The following IRAK1BP1 variants were observed in gnomAD, a reference collection of about 807,000 sequenced individuals.
The protein encoded by IRAK1BP1 is interleukin-1 receptor-associated kinase 1-binding protein 1.
IRAK1BP1 carries 24 observed loss-of-function variants against 28.0 expected under a neutral mutation model. The observed-to-expected ratio is 0.86, with a 90% CI of 0.62 to 1.20. IRAK1BP1 has a LOEUF of 1.20. Ranked by LOEUF, IRAK1BP1 falls within the 50% of genes most tolerant of loss-of-function variation. The probability of loss-of-function intolerance (pLI) is 0.00; values close to 1 mark genes in which losing one functional copy is unlikely to be tolerated. For synonymous variants in IRAK1BP1, 131 were observed against 116.3 expected (o/e 1.13, Z -0.81); for missense variants, 336 against 316.7 (o/e 1.06, Z -0.46).
the IRAK1BP1 span, among the ~76,000 whole-genome samples, chr6:78,973,377 G>C: frequency 1.3e-5 from 2 of 150,162 alleles, no homozygotes; most frequent in African/African-American, 4.9e-5. Flanking sequence ...CCTGAAGGAA[G>C]CGCTAAACAT....
intron 2 of IRAK1BP1, among the ~76,000 whole-genome samples, chr6:78,888,261 T>G (rs1446047960): frequency 6.6e-6 from 1 of 152,178 alleles, no homozygotes; most frequent in Non-Finnish European, 1.5e-5. Flanking sequence ...GAATTCTAGA[T>G]ATGGGCTATA....
intron 4 of IRAK1BP1, among the ~76,000 whole-genome samples, chr6:78,924,054 GA>G (rs1293972721): frequency 1.3e-5 from 2 of 152,082 alleles, no homozygotes; most frequent in African/African-American, 4.8e-5. Context: ...CAGAAGGCAA[GA>G]AATAACTAAG....
intron 1 of IRAK1BP1, among the ~76,000 whole-genome samples, chr6:78,870,432 C>T (rs1581985574): frequency 6.6e-6 from 1 of 152,168 alleles, no homozygotes; most frequent in Non-Finnish European, 1.5e-5. Flanking sequence ...GAGCCAAGAC[C>T]ATTTGTTCTT....
intron 2 of IRAK1BP1, among the ~76,000 whole-genome samples, chr6:78,890,756 A>G (rs1372074009): frequency 1.3e-5 from 2 of 152,214 alleles, no homozygotes; most frequent in South Asian, 2.1e-4. Flanking sequence ...AGAGAAAACA[A>G]TGTCTAATCT....
Position 78,898,076 on chromosome 6 carries a change from T to A in IRAK1BP1, c.525T>A (p.Cys175Ter). The stretch of plus-strand genomic sequence containing the variant: ...TTTAATTCCTAAGACGGCAAGCCTG[T>A]CTTGTTGCTGTTGAGAATGCGTGGC... ...GSVENLRRQA[C>*]LVAVENAWRK... Residue 175 changes from cysteine (C) to a stop codon, truncating the protein, a stop_gained, in exon 4 of 4, where the codon TGT (cysteine) becomes TGA (stop). Coordinates refer to ENST00000369940, the MANE Select transcript of IRAK1BP1 (RefSeq NM_001010844.4). LOFTEE classifies it high-confidence loss of function. The A allele has an allele frequency of 1.2e-6, 2 of 1,610,802 alleles. No homozygotes were observed. The highest frequency in any genetic ancestry group is 1.7e-6 in the Non-Finnish European group (2 of 1,178,334).
At chr6:78,966,667 G>A in the IRAK1BP1 span, among the ~76,000 whole-genome samples, 10 of 152,246 alleles carry the variant, frequency 6.6e-5, no homozygotes, top group South Asian at 1.5e-3. Context: ...AATTGCTGTC[G>A]TCGTATTACT....
chr6:78,938,323 G>T (rs1773347962), intron 4 of IRAK1BP1: 1 of 151,542 alleles, frequency 6.6e-6, no homozygotes, highest in Non-Finnish European at 1.5e-5. Flanking sequence ...AGGAAAGATG[G>T]TAAATACTCA....
chr6:78,967,796 T>C, the IRAK1BP1 span, among the ~76,000 whole-genome samples: 59 of 152,292 alleles, frequency 3.9e-4, no homozygotes, highest in African/African-American at 1.4e-3. Context: ...CTTTGATCTC[T>C]ATTATTTGTT....
chr6:78,936,435 CATT>C (rs1259091961), intron 4 of IRAK1BP1: 1 of 151,830 alleles, frequency 6.6e-6, no homozygotes, highest in African/African-American at 2.4e-5. Flanking sequence ...TATAGTCTAT[CATT>C]GTGACTAATC....
rs1328452076 is a variant in IRAK1BP1, at chr6:78,885,369, C to A, written c.316-9C>A. 18 of 1,536,232 alleles carry A rather than the reference C, an allele frequency of 1.2e-5. No homozygotes were observed. The highest frequency in any genetic ancestry group is 1.6e-5 in the Non-Finnish European group (18 of 1,119,362). On this transcript the variant is annotated splice_polypyrimidine_tract_variant and intron_variant, in intron 1 of 3. Coordinates refer to ENST00000369940, the MANE Select transcript of IRAK1BP1 (RefSeq NM_001010844.4). ...TAGTAATCATACTCTTGGACTTTTTCTGTTTCAGGCAGAAAATATAACTGT... is the reference window on the plus strand; with the variant it reads ...TAGTAATCATACTCTTGGACTTTTTATGTTTCAGGCAGAAAATATAACTGT...
chr6:78,916,238 G>C (rs1772556127), intron 4 of IRAK1BP1, among the ~76,000 whole-genome samples: 1 of 152,098 alleles, frequency 6.6e-6, no homozygotes, highest in South Asian at 2.1e-4. Context: ...TTTGGTTCTA[G>C]AAAGTCTTTA....
the IRAK1BP1 span, chr6:78,966,179 C>T: frequency 1.6e-6 from 1 of 627,648 alleles, no homozygotes; most frequent in Non-Finnish European, 2.9e-6. Context: ...AAAAGTGAAC[C>T]ACAAACTCCA....
intron 4 of IRAK1BP1, among the ~76,000 whole-genome samples, chr6:78,941,573 C>T (rs1192666971): frequency 6.6e-6 from 1 of 152,076 alleles, no homozygotes; most frequent in Non-Finnish European, 1.5e-5. Context: ...AAATAAGTGA[C>T]TTATCTAAGT....
intron 2 of IRAK1BP1, among the ~76,000 whole-genome samples, chr6:78,890,516 T>G (rs1448312359): frequency 6.6e-6 from 1 of 151,896 alleles, no homozygotes; most frequent in Non-Finnish European, 1.5e-5. Flanking sequence ...TGAATTTCCA[T>G]ATTCAGTGGA....
chr6:78,910,359 G>T (rs1480311231), intron 4 of IRAK1BP1, among the ~76,000 whole-genome samples: 1 of 152,194 alleles, frequency 6.6e-6, no homozygotes, highest in Non-Finnish European at 1.5e-5. Flanking sequence ...GTCCACCATA[G>T]TCCAGGATAT....
At chr6:78,912,219 T>C (rs1772446220) in intron 4 of IRAK1BP1, among the ~76,000 whole-genome samples, 1 of 152,130 alleles carries the variant, frequency 6.6e-6, no homozygotes, top group South Asian at 2.1e-4. Flanking sequence ...GATTCGTTTT[T>C]ACATCTGATC....
At chr6:78,922,738 T>C (rs1041734262) in intron 4 of IRAK1BP1, among the ~76,000 whole-genome samples, 1 of 152,170 alleles carries the variant, frequency 6.6e-6, no homozygotes, top group African/African-American at 2.4e-5. Context: ...GCAGAAACTC[T>C]ACAAGCCAGA....
downstream of IRAK1BP1, chr6:78,947,022 A>G: frequency 2.0e-6 from 1 of 510,790 alleles, no homozygotes. Context: ...TCTTTTGATG[A>G]AAAGGTAAAC....
chr6:78,977,294 C>A, the IRAK1BP1 span, among the ~76,000 whole-genome samples: 1 of 151,196 alleles, frequency 6.6e-6, no homozygotes, highest in Admixed American at 6.6e-5. Context: ...CCAAACACCG[C>A]ATATTCTCAC....
Sources: gnomAD v4.1 joint callset for allele counts (sites outside exome capture counted in the v4.1 genomes callset) on GRCh38, gnomAD v4.1.1 for gene constraint, MANE v1.5 for transcripts, NCBI Gene and HGNC (gene_info 2026-07-23, HGNC 2026-07-21) for gene names.